Variants in PTGFRN observed in about 807,000 individuals in gnomAD.
The protein encoded by PTGFRN is prostaglandin F2 receptor inhibitor, also known as prostaglandin F2 receptor negative regulator.
A neutral mutation model predicts 83.2 loss-of-function variants in PTGFRN; 35 were observed. That is an observed-to-expected ratio of 0.42 (90% CI 0.32 to 0.56). The LOEUF (loss-of-function observed/expected upper bound fraction) is 0.56, where lower values mean the gene tolerates loss of function less well. Ranked by LOEUF, PTGFRN falls within the 20% of genes least tolerant of loss-of-function variation. PTGFRN has a pLI of 0.11. For missense variants in PTGFRN, 1,051 were observed against 1,179.5 expected, an observed-to-expected ratio of 0.89 and a Z score of 1.60; for synonymous variants, 519 against 498.6, an observed-to-expected ratio of 1.04 and a Z score of -0.55.
Position 116,986,973 on chromosome 1 carries a change from C to G in PTGFRN, c.*6C>G, listed in dbSNP as rs1570685204. On this transcript the variant is annotated 3_prime_UTR_variant, in exon 9 of 9. Coordinates refer to ENST00000393203, the MANE Select transcript of PTGFRN (RefSeq NM_020440.4). ...TGTCGATGGAGATGGACTAGGCTGG[C>G]CCGGGAGGGGAGTGACAGAGGGACG... 2 of 1,613,998 alleles carry G rather than the reference C, an allele frequency of 1.2e-6. No individual in the cohort carries two copies. Among genetic ancestry groups the G allele is most frequent in the South Asian group, 2.2e-5 (2 of 91,078 alleles).
At chr1:116,949,933 T>C (rs1293885334) in intron 4 of PTGFRN, among the ~76,000 whole-genome samples, 1 of 152,202 alleles carries the variant, frequency 6.6e-6, no homozygotes, top group African/African-American at 2.4e-5. Flanking sequence ...TCCTAGGTGC[T>C]CCCTGGCAGG....
At chr1:116,971,417 G>T (rs1650989691) in intron 6 of PTGFRN, among the ~76,000 whole-genome samples, 1 of 152,128 alleles carries the variant, frequency 6.6e-6, no homozygotes, top group Admixed American at 6.5e-5. Flanking sequence ...TAAAAGTTAA[G>T]TAGTTCCTAT....
chr1:116,976,117 G>T (rs1333278496), intron 7 of PTGFRN, among the ~76,000 whole-genome samples: 3 of 152,170 alleles, frequency 2.0e-5, no homozygotes, highest in Non-Finnish European at 2.9e-5. Flanking sequence ...GGAAGAAAGG[G>T]TATCAGTGAT....
chr1:116,961,338 G>T lies in PTGFRN; in HGVS notation c.1309G>T (p.Gly437Trp), dbSNP rs759528919. The part of the protein sequence containing the change: ...LACRVVDTKS[G>W]EANVRFTVSW... ...ATGCCGGGTGGTGGACACGAAGAGT[G>T]GGGAGGCGAATGTCCGATTCACGGT... Residue 437 changes from glycine to tryptophan, a missense_variant, in exon 5 of 9, where the codon GGG becomes TGG. Coordinates refer to ENST00000393203, the MANE Select transcript of PTGFRN (RefSeq NM_020440.4). This position sits in a 1 kb window ranked among gnomAD's most constrained non-coding sequence, Gnocchi z 5.4. 1 of 1,580,730 alleles carries T rather than the reference G, an allele frequency of 6.3e-7. No homozygotes were observed. The highest frequency in any genetic ancestry group is 2.2e-5 in the East Asian group (1 of 44,552).
At chr1:116,975,898 G>A (rs973373901) in intron 7 of PTGFRN, among the ~76,000 whole-genome samples, 1 of 152,236 alleles carries the variant, frequency 6.6e-6, no homozygotes. Flanking sequence ...GTTGAGAGAA[G>A]AAGGCTTCAG....
At chr1:116,931,144 G>A (rs1557960404) in intron 1 of PTGFRN, among the ~76,000 whole-genome samples, 2 of 152,192 alleles carry the variant, frequency 1.3e-5, no homozygotes, top group African/African-American at 4.8e-5. Context: ...GTTGCTCAGA[G>A]GTCATGCTCG....
At chr1:116,926,956 A>G (rs568530933) in intron 1 of PTGFRN, among the ~76,000 whole-genome samples, 8 of 152,184 alleles carry the variant, frequency 5.3e-5, no homozygotes. Context: ...GTGAAGAGGA[A>G]TCTGGAAACC....
chr1:116,975,130 G>C (rs1202662471), intron 7 of PTGFRN, among the ~76,000 whole-genome samples: 3 of 152,210 alleles, frequency 2.0e-5, no homozygotes, highest in African/African-American at 7.2e-5. Context: ...CTCATTGCTA[G>C]CACGGCAGTC....
At chr1:116,924,143 ATTTT>A (rs147663868) in intron 1 of PTGFRN, among the ~76,000 whole-genome samples, 71 of 116,126 alleles carry the variant, frequency 6.1e-4, no homozygotes, top group Middle Eastern at 5.4e-3. Flanking sequence ...CTGTGCATGT[ATTTT>A]TTTTTTTTTT....
chr1:116,964,143 A>G (rs1270595084), intron 5 of PTGFRN, among the ~76,000 whole-genome samples: 1 of 151,336 alleles, frequency 6.6e-6, no homozygotes, highest in African/African-American at 2.4e-5. Flanking sequence ...TCCCACACCC[A>G]TTTGTCTACT....
chr1:116,918,457 A>AT lies in PTGFRN; in HGVS notation c.49+8207dup, dbSNP rs2101050932. ...CAACTGTGTTCTGTGGACCACCAGC[A>AT]TTGGCAGCACCTGGGGGAATCTCAG... On this transcript the variant is annotated intron_variant, in intron 1 of 8. Transcript: ENST00000393203. This position sits in a 1 kb window ranked among gnomAD's most constrained non-coding sequence, Gnocchi z 4.1. Among the ~76,000 whole-genome samples the AT allele has an allele frequency of 6.6e-6, 1 of 152,348 alleles. No homozygotes were observed. The highest frequency in any genetic ancestry group is 1.9e-4 in the East Asian group (1 of 5,186).
intron 1 of PTGFRN, among the ~76,000 whole-genome samples, chr1:116,937,934 G>A (rs541362478): frequency 5.3e-5 from 8 of 152,170 alleles, no homozygotes; most frequent in Admixed American, 4.6e-4. Flanking sequence ...TGGTGACCAC[G>A]GTCTCCATTT....
At chr1:116,910,283 C>A (rs1181914038) in intron 1 of PTGFRN, 31 bp downstream of exon 1, 2 of 1,386,550 alleles carry the variant, frequency 1.4e-6, no homozygotes, top group Non-Finnish European at 1.9e-6. Flanking sequence ...GCGGGGCACA[C>A]GGGGACTGGC....
At chr1:116,972,853 T>C (rs774602099) in intron 6 of PTGFRN, among the ~76,000 whole-genome samples, 2 of 152,362 alleles carry the variant, frequency 1.3e-5, no homozygotes, top group East Asian at 3.9e-4. Flanking sequence ...GAGTTAAAAA[T>C]AATAATTCTG....
intron 6 of PTGFRN, among the ~76,000 whole-genome samples, chr1:116,969,626 T>C (rs1328834770): frequency 6.6e-6 from 1 of 152,174 alleles, no homozygotes. Flanking sequence ...TGTTAATTTC[T>C]ACAGTCCAGG....
At chr1:116,986,315 C>T (rs760448044) in intron 8 of PTGFRN, among the ~76,000 whole-genome samples, 1 of 152,084 alleles carries the variant, frequency 6.6e-6, no homozygotes, top group African/African-American at 2.4e-5. Flanking sequence ...GAAGTAACTC[C>T]GTATAAAAAC....
rs1651659139 is a variant in PTGFRN at position 116,989,801 on chromosome 1, T to G, written c.*2834T>G. On this transcript the variant is annotated 3_prime_UTR_variant, in exon 9 of 9. Transcript: ENST00000393203. ...TCACCAACTGGGCTAAATTTTAATT[T>G]AAAAATGTATTTATTTGAGTGTCTT... The G allele has an allele frequency of 6.6e-6, 1 of 152,634 alleles. No individual in the cohort carries two copies. The highest frequency in any genetic ancestry group is 1.5e-5 in the Non-Finnish European group (1 of 68,034). The allele number at this position is 152,634 out of a possible 1,614,324, so 9.5% of individuals were successfully genotyped here.
intron 4 of PTGFRN, among the ~76,000 whole-genome samples, chr1:116,956,597 G>A (rs1650501867): frequency 6.6e-6 from 1 of 152,226 alleles, no homozygotes; most frequent in African/African-American, 2.4e-5. Context: ...AGGGAATGGT[G>A]AGAGGTGCCA....
chr1:116,937,687 T>C (rs1649956407), intron 1 of PTGFRN, among the ~76,000 whole-genome samples: 1 of 152,078 alleles, frequency 6.6e-6, no homozygotes, highest in Non-Finnish European at 1.5e-5. Context: ...CTCATGCTTG[T>C]GGGTAGGTTG....
Sources: allele counts gnomAD v4.1 joint callset (sites outside exome capture counted in the v4.1 genomes callset), GRCh38; gene constraint gnomAD v4.1.1; non-coding constraint Gnocchi (gnomAD v3.1); transcripts MANE v1.5; gene names NCBI Gene and HGNC (gene_info 2026-07-23, HGNC 2026-07-21).